ATG7: variants seen among roughly 807,000 people sequenced by gnomAD.
ATG7 encodes the protein ubiquitin-like modifier-activating enzyme ATG7.
A neutral mutation model predicts 82.4 loss-of-function variants in ATG7; 70 were observed. That is an observed-to-expected ratio of 0.85 (90% CI 0.70 to 1.04). ATG7 has a LOEUF of 1.04. Ranked by LOEUF, ATG7 falls within the 50% of genes least tolerant of loss-of-function variation. ATG7 has a pLI of 0.00. For missense variants in ATG7, 792 were observed against 864.3 expected (o/e 0.92, Z 1.05); for synonymous variants, 287 against 313.0 (o/e 0.92, Z 0.88).
chr3:11,397,123 G>C (rs2079366988), intron 19 of ATG7, among the ~76,000 whole-genome samples: 1 of 152,122 alleles, frequency 6.6e-6, no homozygotes, highest in Non-Finnish European at 1.5e-5. Context: ...AATGCTGGCG[G>C]TAGAAAGATT....
rs1001909067 is a variant in ATG7 at position 11,446,394 on chromosome 3, C to T, written c.2079+19468C>T. On this transcript the variant is annotated intron_variant, in intron 20 of 20. Transcript: ENST00000693202. ...TGCCAGAGACTCTTTATTTGTAAGA[C>T]TATAATCTACTTTTGTAAATGCGTT... The T allele has an allele frequency of 8.8e-5, 28 of 317,840 alleles. No homozygotes were observed. The Admixed American group carries it at 1.4e-3, about 16-fold the overall frequency. The allele number at this position is 317,840 out of a possible 1,614,324, so 19.7% of individuals were successfully genotyped here. A position where few individuals can be genotyped will look rare whatever the true frequency, so the allele number is the denominator to read the frequency against.
chr3:11,346,042 G>C (rs754850035), intron 13 of ATG7, among the ~76,000 whole-genome samples: 3 of 152,178 alleles, frequency 2.0e-5, no homozygotes, highest in Non-Finnish European at 2.9e-5. Context: ...CATTAAAAAT[G>C]ATGCCTGTCT....
intron 20 of ATG7, among the ~76,000 whole-genome samples, chr3:11,529,261 G>A (rs1030228489): frequency 6.6e-6 from 1 of 152,170 alleles, no homozygotes; most frequent in Non-Finnish European, 1.5e-5. Flanking sequence ...AATATTTAAA[G>A]ATAATATATA....
chr3:11,406,016 A>G (rs1248163517), intron 19 of ATG7, among the ~76,000 whole-genome samples: 1 of 135,860 alleles, frequency 7.4e-6, no homozygotes. Flanking sequence ...TGTAGATGGA[A>G]TCTCACTCTG....
chr3:11,410,065 A>G (rs563551797), intron 19 of ATG7, among the ~76,000 whole-genome samples: 3 of 151,908 alleles, frequency 2.0e-5, no homozygotes, highest in Non-Finnish European at 4.4e-5. Context: ...GCCTCCCTAC[A>G]AAAACTTTAC....
At chr3:11,335,616 C>T (rs1417456338) in intron 11 of ATG7, among the ~76,000 whole-genome samples, 1 of 152,220 alleles carries the variant, frequency 6.6e-6, no homozygotes, top group African/African-American at 2.4e-5. Flanking sequence ...AGGCAGTTTT[C>T]TTTCCACTTT....
intron 3 of ATG7, among the ~76,000 whole-genome samples, chr3:11,296,114 C>A (rs1354703314): frequency 1.3e-5 from 2 of 152,204 alleles, no homozygotes; most frequent in African/African-American, 4.8e-5. Flanking sequence ...TAACTGCGGA[C>A]ATTCTCTAGG....
intron 19 of ATG7, among the ~76,000 whole-genome samples, chr3:11,397,276 A>G (rs189530297): frequency 1.7e-3 from 260 of 152,354 alleles, no homozygotes; most frequent in African/African-American, 5.7e-3. Flanking sequence ...AAATACCACA[A>G]GAAAGCTGCT....
At chr3:11,479,069 A>G (rs1490214414) in intron 20 of ATG7, among the ~76,000 whole-genome samples, 1 of 150,934 alleles carries the variant, frequency 6.6e-6, no homozygotes, top group Non-Finnish European at 1.5e-5. Context: ...ACTGGCCACC[A>G]CTTGAAGAGT....
the ATG7 span, among the ~76,000 whole-genome samples, chr3:11,571,257 C>G: frequency 6.6e-6 from 1 of 152,146 alleles, no homozygotes; most frequent in Non-Finnish European, 1.5e-5. Flanking sequence ...GCAACTACTG[C>G]CATAGCTTAA....
chr3:11,290,114 C>T (rs763020943), intron 3 of ATG7, among the ~76,000 whole-genome samples: 4 of 152,184 alleles, frequency 2.6e-5, no homozygotes, highest in Admixed American at 6.5e-5. Flanking sequence ...AATTAGTGTT[C>T]CAGCTCACTT....
intron 19 of ATG7, among the ~76,000 whole-genome samples, chr3:11,384,953 C>A (rs968398085): frequency 4.6e-5 from 7 of 152,188 alleles, no homozygotes; most frequent in Admixed American, 6.5e-5. Context: ...GCCCATGCCC[C>A]AAAACCCCCG....
intron 5 of ATG7, among the ~76,000 whole-genome samples, chr3:11,302,287 T>A (rs1289333857): frequency 3.3e-5 from 5 of 152,204 alleles, no homozygotes; most frequent in Admixed American, 3.3e-4. Flanking sequence ...TTCTTTCCAG[T>A]TTTAAAAGTC....
chr3:11,350,388 T>G lies in ATG7; in HGVS notation c.1284+2353T>G, dbSNP rs562511812. On this transcript the variant is annotated intron_variant, in intron 14 of 20. Transcript: ENST00000693202. ...TCTCAGTGGCTTACAATTGCAAACATTTATTTCATGTTCATGGGTGTGCAG... is the reference window on the plus strand; with the variant it reads ...TCTCAGTGGCTTACAATTGCAAACAGTTATTTCATGTTCATGGGTGTGCAG... Among the ~76,000 whole-genome samples the G allele has an allele frequency of 1.2e-4, 19 of 152,200 alleles. 1 individual carries two copies.
intron 20 of ATG7, among the ~76,000 whole-genome samples, chr3:11,489,085 G>A (rs1431480841): frequency 6.6e-6 from 1 of 152,180 alleles, no homozygotes; most frequent in Non-Finnish European, 1.5e-5. Context: ...TTCAGAGCCT[G>A]TTATTGGTCT....
intron 20 of ATG7, among the ~76,000 whole-genome samples, chr3:11,467,230 G>T (rs538382217): frequency 1.3e-5 from 2 of 152,266 alleles, no homozygotes; most frequent in Admixed American, 1.3e-4. Context: ...TGGGGCAGTG[G>T]TTAGTAACAA....
intron 19 of ATG7, among the ~76,000 whole-genome samples, chr3:11,425,638 A>C (rs745573990): frequency 3.3e-5 from 5 of 152,202 alleles, no homozygotes; most frequent in Non-Finnish European, 7.3e-5. Flanking sequence ...GTCTCCTCTC[A>C]AGTGTATAGG....
the ATG7 span, among the ~76,000 whole-genome samples, chr3:11,566,343 G>A: frequency 3.1e-4 from 47 of 152,286 alleles, no homozygotes; most frequent in Non-Finnish European, 1.5e-4. Flanking sequence ...TCCCGCGATG[G>A]TGACATCTTG....
At chr3:11,568,918 G>A in the ATG7 span, 26 of 1,267,338 alleles carry the variant, frequency 2.1e-5, no homozygotes, top group South Asian at 5.7e-5. This position sits in a 1 kb window ranked among gnomAD's most constrained non-coding sequence, Gnocchi z 5.9. Context: ...CATCCTAGGC[G>A]GGCACTTCCA....
Sources: allele counts gnomAD v4.1 joint callset (sites outside exome capture counted in the v4.1 genomes callset), GRCh38; gene constraint gnomAD v4.1.1; non-coding constraint Gnocchi (gnomAD v3.1); transcripts MANE v1.5; gene names NCBI Gene and HGNC (gene_info 2026-07-23, HGNC 2026-07-21).